Variants in EDNRA observed in about 807,000 individuals in gnomAD.
The protein encoded by EDNRA is endothelin receptor type A, also known as endothelin-1 receptor.
In EDNRA, 11 loss-of-function variants were observed where a neutral mutation model predicts 41.4. The observed-to-expected ratio is 0.27, with a 90% CI of 0.17 to 0.44. EDNRA has a LOEUF of 0.44. EDNRA is among the 20% of genes least tolerant of loss of function. The pLI is 1.00. For missense variants in EDNRA, 294 were observed against 531.0 expected (o/e 0.55, Z 4.39); for synonymous variants, 172 against 183.0 (o/e 0.94, Z 0.49).
At chr4:147,535,793 A>C (rs535588576) in intron 4 of EDNRA, 84 bp from the exon 5 acceptor site, 1 of 1,524,490 alleles carries the variant, frequency 6.6e-7, no homozygotes, top group African/African-American at 1.4e-5. Context: ...AAGTTTAAAG[A>C]CCTTAAAGCT....
Position 147,485,870 on chromosome 4 carries a change from C to T in EDNRA, c.189C>T (p.Gly63=), listed in dbSNP as rs2126370227. The change falls in exon 2 of 8, where the codon GGC becomes GGT. Residue 63 remains glycine (G), a synonymous_variant. Coordinates refer to ENST00000651419, the MANE Select transcript of EDNRA (RefSeq NM_001957.4). The stretch of plus-strand genomic sequence containing the variant: ...CTAATTTGGTCCTACCCAGCAATGG[C>T]TCAATGCACAACTATTGCCCACAGC... ...QPTNLVLPSN[G]SMHNYCPQQT... The T allele has an allele frequency of 1.2e-6, 2 of 1,614,260 alleles. No individual in the cohort carries two copies. The highest frequency in any genetic ancestry group is 1.7e-6 in the Non-Finnish European group (2 of 1,180,034).
chr4:147,542,851 C>T lies in EDNRA; in HGVS notation c.*233C>T. The T allele has an allele frequency of 2.3e-6, 1 of 431,116 alleles. No homozygotes were observed. Among genetic ancestry groups the T allele is most frequent in the South Asian group, 5.2e-5 (1 of 19,092 alleles). 26.7% of individuals were successfully genotyped at this position (431,116 alleles called of 1,614,324 possible). ...TACATATTCTGCGTGTTGTATTCAGCACTAAAAAATGGTGGGAGCTGGGGG... is the reference window on the plus strand; with the variant it reads ...TACATATTCTGCGTGTTGTATTCAGTACTAAAAAATGGTGGGAGCTGGGGG... On this transcript the variant is annotated 3_prime_UTR_variant, in exon 8 of 8. Transcript: ENST00000651419.
At chr4:147,524,908 A>T (rs922762131) in intron 3 of EDNRA, among the ~76,000 whole-genome samples, 2 of 151,882 alleles carry the variant, frequency 1.3e-5, no homozygotes, top group Non-Finnish European at 2.9e-5. Context: ...AAAAAAAAAT[A>T]AAAATAAAAA....
intron 2 of EDNRA, chr4:147,487,823 A>G (rs966042735): frequency 1.3e-5 from 2 of 152,250 alleles, no homozygotes; most frequent in African/African-American, 2.4e-5. Flanking sequence ...TGTGTTTTCT[A>G]TTAGAGCTTA....
In EDNRA at chr4:147,532,054, T is replaced by C. The variant is rs187125811; in HGVS notation, c.549-452T>C. Among the ~76,000 whole-genome samples, 36 of 146,102 alleles carry C rather than the reference T, an allele frequency of 2.5e-4. No homozygotes were observed. The East Asian group carries it at 7.3e-3, about 30-fold the overall frequency. On this transcript the variant is annotated intron_variant, in intron 3 of 7. Transcript: ENST00000651419. ...AAGGCCAGGTGCAGTGGCTCACTCC[T>C]GTAATCCCAGCACTTTGGGAGGCCG... is the stretch of plus-strand genomic sequence containing the variant.
At chr4:147,527,293 G>A (rs1032571227) in intron 3 of EDNRA, among the ~76,000 whole-genome samples, 4 of 152,110 alleles carry the variant, frequency 2.6e-5, no homozygotes, top group African/African-American at 9.7e-5. Flanking sequence ...CAAGCTTATA[G>A]GCGTCTTATT....
In EDNRA at chr4:147,541,665, A is replaced by C. The variant is rs542834292; in HGVS notation, c.1144-813A>C. Among the ~76,000 whole-genome samples the C allele has an allele frequency of 2.6e-5, 4 of 152,356 alleles. No homozygotes were observed. The East Asian group carries it at 7.7e-4, about 29-fold the overall frequency. On this transcript the variant is annotated intron_variant, in intron 7 of 7. Coordinates refer to ENST00000651419, the MANE Select transcript of EDNRA (RefSeq NM_001957.4). The stretch of plus-strand genomic sequence containing the variant: ...ACGACCTGCATGGAACTTACAGTCT[A>C]AACAGAGGCAGACATATATTAACCA...
At chr4:147,526,084 T>C (rs1374057633) in intron 3 of EDNRA, among the ~76,000 whole-genome samples, 1 of 152,218 alleles carries the variant, frequency 6.6e-6, no homozygotes, top group Non-Finnish European at 1.5e-5. Context: ...CCAGAAGACA[T>C]GAGCAGGGAA....
intron 2 of EDNRA, among the ~76,000 whole-genome samples, chr4:147,502,984 G>T (rs751617312): frequency 1.3e-5 from 2 of 151,884 alleles, no homozygotes; most frequent in Non-Finnish European, 2.9e-5. Flanking sequence ...ACCTAAATTC[G>T]TAGGTTTAGT....
intron 2 of EDNRA, among the ~76,000 whole-genome samples, chr4:147,505,547 G>A (rs1057370977): frequency 2.0e-5 from 3 of 149,166 alleles, no homozygotes; most frequent in Non-Finnish European, 1.5e-5. Context: ...TCACCATGTT[G>A]GTTAGGCTGG....
intron 3 of EDNRA, among the ~76,000 whole-genome samples, chr4:147,521,110 TA>T (rs1281577927): frequency 1.3e-5 from 2 of 152,072 alleles, no homozygotes; most frequent in African/African-American, 4.8e-5. Flanking sequence ...TACAAAAAAT[TA>T]GCTGGACATG....
intron 2 of EDNRA, chr4:147,490,673 G>A (rs1297202354): frequency 1.3e-5 from 2 of 152,126 alleles, no homozygotes; most frequent in African/African-American, 4.8e-5. Context: ...AAATAGATAA[G>A]TATAGAATTT....
intron 4 of EDNRA, among the ~76,000 whole-genome samples, chr4:147,533,310 GA>G (rs1371359855): frequency 2.0e-5 from 3 of 152,104 alleles, no homozygotes; most frequent in Non-Finnish European, 4.4e-5. Context: ...TAGTACACCT[GA>G]CCATATTAAT....
chr4:147,488,486 A>T (rs1266670336), intron 2 of EDNRA: 1 of 152,190 alleles, frequency 6.6e-6, no homozygotes, highest in Non-Finnish European at 1.5e-5. Context: ...GGACAGTTTG[A>T]CTGGTACTTT....
chr4:147,484,297 G>A (rs891664555), intron 1 of EDNRA, among the ~76,000 whole-genome samples: 22 of 152,266 alleles, frequency 1.4e-4, no homozygotes, highest in African/African-American at 5.1e-4. Context: ...ACACCAGATG[G>A]TCTTTGAAAA....
intron 3 of EDNRA, among the ~76,000 whole-genome samples, chr4:147,521,966 A>G (rs1262681605): frequency 6.6e-6 from 1 of 152,168 alleles, no homozygotes; most frequent in Non-Finnish European, 1.5e-5. Flanking sequence ...TAAAGCTACA[A>G]TGTTTTAAAC....
intron 2 of EDNRA, chr4:147,488,157 C>G (rs1181465680): frequency 6.6e-6 from 1 of 152,172 alleles, no homozygotes; most frequent in Non-Finnish European, 1.5e-5. Context: ...TGCTGTTCAC[C>G]CTGAAGCACA....
At chr4:147,505,347 T>TTTTTTTTTTTTTTTTTTTTTTTTTTTTG (rs1729666400) in intron 2 of EDNRA, among the ~76,000 whole-genome samples, 1 of 133,738 alleles carries the variant, frequency 7.5e-6, no homozygotes, top group African/African-American at 3.0e-5. Flanking sequence ...TTTTTTTTTT[T>TTTTTTTTTTTTTTTTTTTTTTTTTTTTG]TTTTTTTTGG....
At chr4:147,514,458 T>TTTTTTCTTTTTC (rs5862803) in intron 2 of EDNRA, among the ~76,000 whole-genome samples, 8 of 151,292 alleles carry the variant, frequency 5.3e-5, no homozygotes, top group African/African-American at 1.5e-4. Flanking sequence ...CCCAACACGA[T>TTTTTTCTTTTTC]TTTTTCTTTT....
Sources: gnomAD v4.1 joint callset for allele counts (sites outside exome capture counted in the v4.1 genomes callset) on GRCh38, gnomAD v4.1.1 for gene constraint, MANE v1.5 for transcripts, NCBI Gene and HGNC (gene_info 2026-07-23, HGNC 2026-07-21) for gene names.